VWC2L: variants seen among roughly 807,000 people sequenced by gnomAD.
VWC2L encodes von Willebrand factor C domain-containing protein 2-like.
Under a neutral mutation model 21.6 loss-of-function variants are expected in VWC2L, and 10 were observed. The observed-to-expected ratio is 0.46, with a 90% CI of 0.29 to 0.78. The LOEUF (loss-of-function observed/expected upper bound fraction) is 0.78. Among genes scored for constraint, VWC2L ranks in the 30% least tolerant of loss-of-function variants. The pLI is 0.10. For missense variants in VWC2L, 209 were observed against 277.1 expected (o/e 0.75, Z 1.74); for synonymous variants, 96 against 94.3 (o/e 1.02, Z -0.10).
intron 3 of VWC2L, among the ~76,000 whole-genome samples, chr2:214,457,177 G>A (rs1041705773): frequency 3.3e-5 from 5 of 151,978 alleles, no homozygotes; most frequent in African/African-American, 1.2e-4. Flanking sequence ...TTTTAGCAAT[G>A]TTCTTCTGAT....
intron 3 of VWC2L, among the ~76,000 whole-genome samples, chr2:214,442,366 A>ACAAATATTACAAATATT (rs1285661787): frequency 6.6e-6 from 1 of 152,234 alleles, no homozygotes; most frequent in Non-Finnish European, 1.5e-5. Flanking sequence ...TTTACAAATT[A>ACAAATATTACAAATATT]ACAAAAACAA....
At chr2:214,540,018 C>T (rs974706824) in intron 3 of VWC2L, among the ~76,000 whole-genome samples, 1 of 151,998 alleles carries the variant, frequency 6.6e-6, no homozygotes, top group African/African-American at 2.4e-5. Flanking sequence ...CCTACCATAT[C>T]CTTCCCAAGA....
At chr2:214,443,070 C>G (rs1458938253) in intron 3 of VWC2L, among the ~76,000 whole-genome samples, 1 of 151,990 alleles carries the variant, frequency 6.6e-6, no homozygotes, top group Non-Finnish European at 1.5e-5. Flanking sequence ...TTTAATCTCA[C>G]CTGAGTTTTT....
intron 3 of VWC2L, among the ~76,000 whole-genome samples, chr2:214,468,328 T>C (rs1419250635): frequency 1.3e-5 from 2 of 152,200 alleles, no homozygotes; most frequent in African/African-American, 4.8e-5. Flanking sequence ...CACCTCTTTT[T>C]AATTTTACCT....
At position 214,414,407 on chromosome 2, in the gene VWC2L, T is replaced by C. The variant is rs1306493025; in HGVS notation, c.214T>C (p.Ser72Pro). The C allele has an allele frequency of 6.2e-7, 1 of 1,613,644 alleles. No individual in the cohort carries two copies. The highest frequency in any genetic ancestry group is 2.2e-5 in the East Asian group (1 of 44,864). The change falls in exon 2 of 4, where the codon TCC (serine) becomes CCC (proline). Residue 72 changes from serine (S) to proline (P), a missense_variant. Ser to Pro is a moderately conservative substitution (Grantham distance 74). Transcript: ENST00000312504. ...KLGERFFPGH[S>P]NCPCVCALDG... ...GGGAGAACGATTTTTCCCTGGGCAT[T>C]CCAACTGTCCATGTGTCTGTGCTCT...
rs533366723 is a variant in VWC2L at position 214,577,858 on chromosome 2, T to C, written c.*2038T>C. 55 of 152,218 alleles carry C rather than the reference T, an allele frequency of 3.6e-4. No homozygotes were observed. The highest frequency in any genetic ancestry group is 1.3e-3 in the African/African-American group (55 of 41,540). 9.4% of individuals were successfully genotyped at this position (152,218 alleles called of 1,614,324 possible). A position where few individuals can be genotyped will look rare whatever the true frequency, so the allele number is the denominator to read the frequency against. On this transcript the variant is annotated 3_prime_UTR_variant, in exon 4 of 4. Coordinates refer to ENST00000312504, the MANE Select transcript of VWC2L (RefSeq NM_001080500.4). ...CACTGTGCTTGCGTTATGATACAAATAGCCATGCCGGCACCATCCCGAGGA... is the reference window on the plus strand; with the variant it reads ...CACTGTGCTTGCGTTATGATACAAACAGCCATGCCGGCACCATCCCGAGGA...
At chr2:214,486,336 T>C (rs899592617) in intron 3 of VWC2L, among the ~76,000 whole-genome samples, 1 of 152,220 alleles carries the variant, frequency 6.6e-6, no homozygotes, top group African/African-American at 2.4e-5. Context: ...CCAATGCATG[T>C]GAGTTACCAC....
intron 3 of VWC2L, among the ~76,000 whole-genome samples, chr2:214,467,737 C>T (rs144772855): frequency 9.2e-5 from 14 of 152,258 alleles, no homozygotes; most frequent in African/African-American, 1.9e-4. Flanking sequence ...CAAATTAAAA[C>T]GTAATATTCA....
At chr2:214,433,159 GATAT>G (rs5838434) in intron 2 of VWC2L, among the ~76,000 whole-genome samples, 40,493 of 132,878 alleles carry the variant, frequency 0.3, 7,431 homozygotes, top group African/African-American at 0.49. Flanking sequence ...CAAGCCACCT[GATAT>G]ATATATATAT....
chr2:214,435,772 T>G (rs1424765031), intron 2 of VWC2L, among the ~76,000 whole-genome samples: 2 of 152,124 alleles, frequency 1.3e-5, no homozygotes, highest in African/African-American at 4.8e-5. Context: ...ATGAGAAAAG[T>G]AGAGCTAGAA....
intron 3 of VWC2L, among the ~76,000 whole-genome samples, chr2:214,559,938 A>T (rs1689940290): frequency 2.6e-5 from 4 of 152,184 alleles, no homozygotes; most frequent in Admixed American, 2.6e-4. Flanking sequence ...TCCATACAAG[A>T]AGGAAATATG....
intron 3 of VWC2L, among the ~76,000 whole-genome samples, chr2:214,471,554 C>T (rs73987341): frequency 0.065 from 9,931 of 152,244 alleles, 1,032 homozygotes; most frequent in African/African-American, 0.23. Flanking sequence ...GACTTAGAAA[C>T]TTACCTATCA....
At position 214,411,643 on chromosome 2, in the gene VWC2L, G is replaced by C. The variant is rs1292233370; in HGVS notation, c.-224G>C. The C allele has an allele frequency of 6.6e-6, 1 of 152,154 alleles. No homozygotes were observed. The highest frequency in any genetic ancestry group is 2.4e-5 in the African/African-American group (1 of 41,412). 9.4% of individuals were successfully genotyped at this position (152,154 alleles called of 1,614,324 possible). Reference sequence around the variant, plus strand: ...ACTGTGTTTTGAAATGGGAGGTAGAGAGAATGGATTGCCTTTAATTCATGC... The same window carrying C: ...ACTGTGTTTTGAAATGGGAGGTAGACAGAATGGATTGCCTTTAATTCATGC... On this transcript the variant is annotated 5_prime_UTR_variant, in exon 1 of 4. Transcript: ENST00000312504.
chr2:214,429,999 T>G (rs900549343), intron 2 of VWC2L, among the ~76,000 whole-genome samples: 1 of 152,014 alleles, frequency 6.6e-6, no homozygotes, highest in South Asian at 2.1e-4. Flanking sequence ...AATTTTTGTA[T>G]TTTTAGTACA....
At position 214,439,152 on chromosome 2, in the gene VWC2L, C is replaced by T. The variant is rs75748481; in HGVS notation, c.520+2394C>T. On this transcript the variant is annotated intron_variant, in intron 3 of 3. Coordinates refer to ENST00000312504, the MANE Select transcript of VWC2L (RefSeq NM_001080500.4). ...GAACCAATGAAGACACGTATGACCA[C>T]CAGTGGTACCAATAATTTTATTGAG... Among the ~76,000 whole-genome samples the T allele has an allele frequency of 1.6e-3, 246 of 152,064 alleles. 6 individuals are homozygous for T. The East Asian group carries it at 0.034, about 21-fold the overall frequency.
chr2:214,549,149 C>T (rs917491281), intron 3 of VWC2L, among the ~76,000 whole-genome samples: 1 of 152,158 alleles, frequency 6.6e-6, no homozygotes, highest in African/African-American at 2.4e-5. Flanking sequence ...GATCCACCTG[C>T]GCTCCTCTTA....
At chr2:214,544,702 A>G (rs1245163512) in intron 3 of VWC2L, among the ~76,000 whole-genome samples, 1 of 152,164 alleles carries the variant, frequency 6.6e-6, no homozygotes, top group African/African-American at 2.4e-5. Context: ...TGTTTTCTAT[A>G]ATAGGGGACA....
At chr2:214,436,411 T>C in intron 2 of VWC2L, 1 of 501,224 alleles carries the variant, frequency 2.0e-6, no homozygotes, top group Non-Finnish European at 3.6e-6. Context: ...ACACGGGTGC[T>C]TTTCTTGTTC....
At chr2:214,477,859 T>A (rs1242306266) in intron 3 of VWC2L, among the ~76,000 whole-genome samples, 2 of 152,258 alleles carry the variant, frequency 1.3e-5, no homozygotes, top group African/African-American at 2.4e-5. Flanking sequence ...TGTTTTAAAA[T>A]GTCACTTTTG....
Sources: gnomAD v4.1 joint callset for allele counts (sites outside exome capture counted in the v4.1 genomes callset) on GRCh38, gnomAD v4.1.1 for gene constraint, MANE v1.5 for transcripts, NCBI Gene and HGNC (gene_info 2026-07-23, HGNC 2026-07-21) for gene names.